The following RELB variants were observed in gnomAD, a reference collection of about 807,000 sequenced individuals.
RELB encodes RELB proto-oncogene, NF-kB subunit.
RELB carries 14 observed loss-of-function variants against 55.4 expected under a neutral mutation model. That is an observed-to-expected ratio of 0.25 (90% CI 0.17 to 0.40). The LOEUF is 0.40. Among genes scored for constraint, RELB ranks in the 10% least tolerant of loss-of-function variants. The pLI, the probability that RELB is intolerant of heterozygous loss-of-function variation, is 1.00. For missense variants in RELB, 669 were observed against 830.7 expected, an observed-to-expected ratio of 0.81 and a Z score of 2.39; for synonymous variants, 409 against 371.3, an observed-to-expected ratio of 1.10 and a Z score of -1.17.
intron 5 of RELB, 44 bp from the exon 6 acceptor site, chr19:45,025,285 G>C: frequency 1.4e-6 from 2 of 1,408,958 alleles, no homozygotes; most frequent in Non-Finnish European, 2.0e-6. Context: ...GGCCACACTT[G>C]CCTGCTCACG....
chr19:45,031,368 G>T (rs961252269), intron 8 of RELB, among the ~76,000 whole-genome samples: 1 of 152,048 alleles, frequency 6.6e-6, no homozygotes, highest in Admixed American at 6.6e-5. Flanking sequence ...CAAGTGATCT[G>T]CCAGCTTTAG....
rs974444495 is a variant in RELB, at chr19:45,009,705, C to T, written c.155-109C>T. On this transcript the variant is annotated intron_variant, in intron 2 of 11. Transcript: ENST00000221452. ...CAGGGTTTCCCAGGACGGAGGAAGA[C>T]GGAAGGGTCACAGGAGGGACAGGGT... The T allele has an allele frequency of 2.8e-5, 36 of 1,305,176 alleles. 1 individual carries two copies. The highest frequency in any genetic ancestry group is 9.9e-5 in the South Asian group (8 of 80,940). 80.8% of individuals were successfully genotyped at this position (1,305,176 alleles called of 1,614,324 possible).
At chr19:45,004,936 G>A (rs1971264632) in intron 2 of RELB, among the ~76,000 whole-genome samples, 1 of 151,936 alleles carries the variant, frequency 6.6e-6, no homozygotes, top group South Asian at 2.1e-4. Context: ...TTGGGAGGTC[G>A]AGACAGGCAG....
At chr19:45,034,797 A>G (rs554037009) in intron 11 of RELB, among the ~76,000 whole-genome samples, 13 of 151,482 alleles carry the variant, frequency 8.6e-5, no homozygotes, top group African/African-American at 3.1e-4. Flanking sequence ...GGCCCAGTAC[A>G]TACTTAGCTC....
chr19:45,025,773 T>C (rs1373856198), intron 7 of RELB, 36 bp downstream of exon 7: 1 of 1,612,972 alleles, frequency 6.2e-7, no homozygotes, highest in Non-Finnish European at 8.5e-7. Flanking sequence ...AGGATTGCCC[T>C]TGGCTGCAGG....
At chr19:45,029,074 A>G in intron 8 of RELB, 82 bp downstream of exon 8, 1 of 930,554 alleles carries the variant, frequency 1.1e-6, no homozygotes, top group Non-Finnish European at 1.7e-6. Flanking sequence ...GGAAGATGAA[A>G]GGATGAGAAA....
intron 8 of RELB, among the ~76,000 whole-genome samples, chr19:45,029,423 A>T (rs1267036513): frequency 6.6e-6 from 1 of 152,182 alleles, no homozygotes; most frequent in African/African-American, 2.4e-5. Context: ...CTTTTAAAAA[A>T]AAAAGACAGC....
intron 2 of RELB, among the ~76,000 whole-genome samples, chr19:45,003,917 T>TTG (rs1971248824): frequency 1.1e-5 from 1 of 88,652 alleles, no homozygotes; most frequent in Admixed American, 1.1e-4. Context: ...TTTTTTGTGT[T>TTG]TTTTTTTTTT....
Position 45,033,389 on chromosome 19 carries a change from G to A in RELB, c.1207+640G>A, listed in dbSNP as rs183887806. Among the ~76,000 whole-genome samples the A allele has an allele frequency of 9.9e-4, 151 of 152,210 alleles. 1 individual carries two copies. Among genetic ancestry groups the A allele is most frequent in the African/African-American group, 3.4e-3 (142 of 41,562 alleles). ...CCTGGGGTGCTCCAGGAACAACAAA[G>A]AGGCCAGTGTGTAGGCCGGGCGCAG... On this transcript the variant is annotated intron_variant, in intron 9 of 11. Transcript: ENST00000221452.
At chr19:45,025,210 G>A in intron 5 of RELB, 119 bp from the exon 6 acceptor site, 1 of 708,406 alleles carries the variant, frequency 1.4e-6, no homozygotes, top group East Asian at 2.7e-5. Flanking sequence ...CCCTGGGCCT[G>A]GGATGTCAGC....
At chr19:45,009,910 T>C (rs1183145370) in intron 3 of RELB, 88 bp downstream of exon 3, 1 of 1,024,316 alleles carries the variant, frequency 9.8e-7, no homozygotes, top group Admixed American at 1.8e-5. Context: ...TCAGTGGGGG[T>C]GGGGGAGAGG....
chr19:45,033,696 C>T (rs1971652435), intron 9 of RELB, among the ~76,000 whole-genome samples: 1 of 149,978 alleles, frequency 6.7e-6, no homozygotes, highest in African/African-American at 2.4e-5. Flanking sequence ...GCACCCGCCA[C>T]CATGCCCGGC....
rs375119523 is a variant in RELB at position 45,012,261 on chromosome 19, G to A, written c.489G>A (p.Thr163=). The A allele has an allele frequency of 2.0e-5, 28 of 1,418,796 alleles. No homozygotes were observed. The East Asian group carries it at 6.0e-4, about 31-fold the overall frequency. The allele number at this position is 1,418,796 out of a possible 1,614,324, so 87.9% of individuals were successfully genotyped here. A position where few individuals can be genotyped will look rare whatever the true frequency, so the allele number is the denominator to read the frequency against. ...LGESSTEASK[T]LPAIELRDCG... ...AGAGCAGCACCGAGGCCAGCAAGACGCTGCCCGCCATCGAGGTGGGCCCGG... is the reference window on the plus strand; with the variant it reads ...AGAGCAGCACCGAGGCCAGCAAGACACTGCCCGCCATCGAGGTGGGCCCGG... Residue 163 remains threonine, a synonymous_variant, in exon 4 of 12, where the codon ACG becomes ACA. Transcript: ENST00000221452.
intron 10 of RELB, 33 bp from the exon 11 acceptor site, chr19:45,034,418 G>A (rs1176775348): frequency 6.2e-7 from 1 of 1,610,866 alleles, no homozygotes; most frequent in African/African-American, 1.3e-5. Flanking sequence ...GGGCTGTCGG[G>A]GAACAGGGGT....
At chr19:45,022,701 C>T (rs1971504985) in intron 5 of RELB, among the ~76,000 whole-genome samples, 2 of 151,932 alleles carry the variant, frequency 1.3e-5, no homozygotes, top group Admixed American at 1.3e-4. Flanking sequence ...GCATGCGACA[C>T]TACACCCAGC....
chr19:45,013,810 C>T (rs549959936), intron 4 of RELB, among the ~76,000 whole-genome samples: 10 of 151,658 alleles, frequency 6.6e-5, no homozygotes, highest in Admixed American at 2.0e-4. Flanking sequence ...CCGGCCTGAG[C>T]GACAAGAGCA....
chr19:45,030,441 G>C (rs929146765), intron 8 of RELB, among the ~76,000 whole-genome samples: 2 of 152,170 alleles, frequency 1.3e-5, no homozygotes, highest in Non-Finnish European at 2.9e-5. Flanking sequence ...AAACCAGCAT[G>C]GCCAACATGG....
At chr19:45,034,182 AT>A in intron 9 of RELB, 61 bp from the exon 10 acceptor site, 4 of 1,196,878 alleles carry the variant, frequency 3.3e-6, no homozygotes, top group Middle Eastern at 2.5e-4. Context: ...AAATAAATAA[AT>A]AAAGGAATTA....
At chr19:45,017,338 A>G (rs1971430856) in intron 4 of RELB, among the ~76,000 whole-genome samples, 1 of 150,484 alleles carries the variant, frequency 6.6e-6, no homozygotes, top group Non-Finnish European at 1.5e-5. Context: ...TTTAAAAAAG[A>G]AAAATCTGGG....
Sources: allele counts gnomAD v4.1 joint callset (sites outside exome capture counted in the v4.1 genomes callset), GRCh38; gene constraint gnomAD v4.1.1; transcripts MANE v1.5; gene names NCBI Gene and HGNC (gene_info 2026-07-23, HGNC 2026-07-21).